SIK2: variants seen among roughly 807,000 people sequenced by gnomAD.
SIK2 encodes salt inducible kinase 2.
Under a neutral mutation model 103.2 loss-of-function variants are expected in SIK2, and 29 were observed. The observed-to-expected ratio is 0.28, with a 90% CI of 0.21 to 0.38. The LOEUF (loss-of-function observed/expected upper bound fraction) is 0.38, where lower values mean the gene tolerates loss of function less well. SIK2 is among the 10% of genes least tolerant of loss of function. The pLI is 1.00. For synonymous variants in SIK2, 412 were observed against 446.1 expected, an observed-to-expected ratio of 0.92 and a Z score of 0.96; for missense variants, 879 against 1,171.0, an observed-to-expected ratio of 0.75 and a Z score of 3.64.
chr11:111,728,923 CAAA>C lies in SIK2; in HGVS notation c.*4807_*4809del, dbSNP rs753877747. The C allele has an allele frequency of 5.5e-5, 5 of 91,060 alleles. No homozygotes were observed. The highest frequency in any genetic ancestry group is 5.9e-3 in the Middle Eastern group (1 of 170). 5.6% of individuals were successfully genotyped at this position (91,060 alleles called of 1,614,324 possible). On this transcript the variant is annotated 3_prime_UTR_variant, in exon 15 of 15. Transcript: ENST00000304987. ...TGGGCGACAGAGCAAGACTCCACCT[CAAA>C]AAAAAAAAAAAAGACAAGAGCAGTA...
At chr11:111,641,248 C>T (rs1332692987) in intron 3 of SIK2, among the ~76,000 whole-genome samples, 3 of 152,194 alleles carry the variant, frequency 2.0e-5, no homozygotes, top group African/African-American at 7.2e-5. Context: ...GGCTTCAGGC[C>T]TCTAGGCAGA....
At chr11:111,646,031 C>G (rs1461731035) in intron 3 of SIK2, among the ~76,000 whole-genome samples, 1 of 152,112 alleles carries the variant, frequency 6.6e-6, no homozygotes, top group Non-Finnish European at 1.5e-5. Flanking sequence ...TTTTATATTT[C>G]AAACAAAAGC....
chr11:111,608,253 A>G (rs937115333), intron 1 of SIK2, among the ~76,000 whole-genome samples: 2 of 152,218 alleles, frequency 1.3e-5, no homozygotes, highest in African/African-American at 4.8e-5. Context: ...TCCATCAGAA[A>G]CTTCATTTTA....
At chr11:111,666,957 T>G (rs1942552888) in intron 3 of SIK2, among the ~76,000 whole-genome samples, 1 of 149,626 alleles carries the variant, frequency 6.7e-6, no homozygotes, top group East Asian at 2.0e-4. Context: ...ATTTATTTAT[T>G]TATTTATTTA....
At chr11:111,621,253 C>T (rs1382512080) in intron 3 of SIK2, among the ~76,000 whole-genome samples, 1 of 152,208 alleles carries the variant, frequency 6.6e-6, no homozygotes, top group Non-Finnish European at 1.5e-5. Flanking sequence ...CAAAAAACCA[C>T]TGACCTGTTT....
At position 111,602,488 on chromosome 11, in the gene SIK2, G is replaced by A; in HGVS notation, c.-76G>A. On this transcript the variant is annotated 5_prime_UTR_variant, in exon 1 of 15. Transcript: ENST00000304987. This position sits in a 1 kb window ranked among gnomAD's most constrained non-coding sequence, Gnocchi z 4.5. The stretch of plus-strand genomic sequence containing the variant: ...CGAAGGAGCAAGCGGAGCGGCCGTC[G>A]CCCAAGCCAAGCCGCGCTGCCAACC... The A allele has an allele frequency of 7.2e-7, 1 of 1,384,062 alleles. No homozygotes were observed. Among genetic ancestry groups the A allele is most frequent in the Non-Finnish European group, 9.4e-7 (1 of 1,069,016 alleles). 85.7% of individuals were successfully genotyped at this position (1,384,062 alleles called of 1,614,324 possible).
At chr11:111,654,133 C>T (rs566390444) in intron 3 of SIK2, among the ~76,000 whole-genome samples, 1 of 152,290 alleles carries the variant, frequency 6.6e-6, no homozygotes, top group South Asian at 2.1e-4. Context: ...TCTTACTATT[C>T]CTTCCTAAGG....
chr11:111,700,904 T>C lies in SIK2; in HGVS notation c.497T>C (p.Phe166Ser). ...IKIADFGFGN[F>S]FKSGELLATW... ...CTAATAGATTTCGGTTTTGGAAATT[T>C]CTTTAAAAGTGGTGAACTGCTGGCA... Residue 166 changes from phenylalanine (F) to serine (S), a missense_variant, in exon 5 of 15, where the codon TTC (phenylalanine) becomes TCC (serine). By Grantham distance (155) the Phe-to-Ser change is radical. Coordinates refer to ENST00000304987, the MANE Select transcript of SIK2 (RefSeq NM_015191.3). The C allele has an allele frequency of 6.2e-7, 1 of 1,614,028 alleles. No homozygotes were observed. The highest frequency in any genetic ancestry group is 8.5e-7 in the Non-Finnish European group (1 of 1,179,916).
At chr11:111,614,243 C>G (rs903574283) in intron 1 of SIK2, among the ~76,000 whole-genome samples, 1 of 152,074 alleles carries the variant, frequency 6.6e-6, no homozygotes, top group Non-Finnish European at 1.5e-5. Flanking sequence ...ACCACCATGC[C>G]TAGCTAATTT....
In SIK2 at chr11:111,701,142, AT is replaced by A; in HGVS notation, c.603+134del. 6 of 1,226,040 alleles carry A rather than the reference AT, an allele frequency of 4.9e-6. No homozygotes were observed. Among genetic ancestry groups the A allele is most frequent in the Non-Finnish European group, 6.6e-6 (6 of 903,070 alleles). The allele number at this position is 1,226,040 out of a possible 1,614,324, so 75.9% of individuals were successfully genotyped here. The stretch of plus-strand genomic sequence containing the variant: ...TATTTTCCCCATCCACTGGACTATA[AT>A]TACTCAGAGCATCTTGAAATGGATC... On this transcript the variant is annotated intron_variant, in intron 5 of 14. Coordinates refer to ENST00000304987, the MANE Select transcript of SIK2 (RefSeq NM_015191.3). The surrounding 1 kb of genome is among the most constrained non-coding windows in gnomAD (Gnocchi z 4.2).
intron 3 of SIK2, among the ~76,000 whole-genome samples, chr11:111,643,356 A>C (rs574926765): frequency 6.6e-6 from 1 of 152,256 alleles, no homozygotes; most frequent in African/African-American, 2.4e-5. Context: ...TAGCTAATGC[A>C]TGCAGGGCTT....
At chr11:111,617,481 C>T (rs928460451) in intron 2 of SIK2, among the ~76,000 whole-genome samples, 2 of 152,108 alleles carry the variant, frequency 1.3e-5, no homozygotes, top group Non-Finnish European at 2.9e-5. Flanking sequence ...TGTACCGGCT[C>T]GTTGAGAGCT....
At chr11:111,656,953 CTT>C (rs1325400331) in intron 3 of SIK2, among the ~76,000 whole-genome samples, 1 of 152,298 alleles carries the variant, frequency 6.6e-6, no homozygotes, top group Admixed American at 6.5e-5. Flanking sequence ...TCAGTATGCT[CTT>C]TGTTTTCCAA....
chr11:111,692,589 T>C (rs1942975153), intron 4 of SIK2, among the ~76,000 whole-genome samples: 1 of 152,032 alleles, frequency 6.6e-6, no homozygotes, highest in Admixed American at 6.6e-5. Context: ...TGCTATAAAG[T>C]GTTTAGATGG....
At chr11:111,622,758 C>CA (rs1481639420) in intron 3 of SIK2, among the ~76,000 whole-genome samples, 11 of 151,920 alleles carry the variant, frequency 7.2e-5, no homozygotes, top group Admixed American at 2.6e-4. Context: ...CTGTTTCTGA[C>CA]AAAAAAACCA....
At position 111,720,669 on chromosome 11, in the gene SIK2, C is replaced by G. The variant is rs1367025016; in HGVS notation, c.1687C>G (p.Gln563Glu). ...CCTGAGACCTACCAACCCAGCCATG[C>G]AGGCTCTGAGCTCCCAGAAACGAGA... ...ISLRPTNPAMQALSSQKREVH... is the reference protein window; with the variant it reads ...ISLRPTNPAMEALSSQKREVH... Residue 563 changes from glutamine (Q) to glutamate (E), a missense_variant, in exon 11 of 15, where the codon CAG becomes GAG. Gln to Glu is a conservative substitution (Grantham distance 29). This residue lies in a region of SIK2 where 222 missense variants were observed against 258.0 expected (regional missense o/e 0.86). Coordinates refer to ENST00000304987, the MANE Select transcript of SIK2 (RefSeq NM_015191.3). The G allele has an allele frequency of 1.2e-6, 2 of 1,614,100 alleles. No individual in the cohort carries two copies. The highest frequency in any genetic ancestry group is 3.3e-5 in the Admixed American group (2 of 60,024).
chr11:111,711,498 T>C (rs1565381541), intron 8 of SIK2, among the ~76,000 whole-genome samples: 1 of 152,218 alleles, frequency 6.6e-6, no homozygotes, highest in Non-Finnish European at 1.5e-5. Context: ...GAGAACAGAC[T>C]TCAAACCATC....
chr11:111,690,624 C>G (rs576447430), intron 4 of SIK2, among the ~76,000 whole-genome samples: 2 of 151,452 alleles, frequency 1.3e-5, no homozygotes, highest in South Asian at 4.2e-4. Context: ...CCCTCACCCC[C>G]AAAGAGGCCC....
chr11:111,606,511 A>G (rs1366292131), intron 1 of SIK2, among the ~76,000 whole-genome samples: 2 of 152,106 alleles, frequency 1.3e-5, no homozygotes, highest in African/African-American at 4.8e-5. Context: ...TGTTTATTAT[A>G]TATAACTTTA....
Sources: gnomAD v4.1 joint callset for allele counts (sites outside exome capture counted in the v4.1 genomes callset) on GRCh38, gnomAD v4.1.1 for gene constraint, gnomAD v4.1.1 regional missense constraint, Gnocchi (gnomAD v3.1) non-coding constraint, MANE v1.5 for transcripts, NCBI Gene and HGNC (gene_info 2026-07-23, HGNC 2026-07-21) for gene names.